XXYLT1: variants seen among roughly 807,000 people sequenced by gnomAD.
The protein encoded by XXYLT1 is UDP-xylose:alpha-xyloside alpha-1,3-xylosyltransferase.
In XXYLT1, 20 loss-of-function variants were observed where a neutral mutation model predicts 28.9. That is an observed-to-expected ratio of 0.69 (90% CI 0.49 to 1.00). The LOEUF is 1.00. Ranked by LOEUF, XXYLT1 falls within the 50% of genes least tolerant of loss-of-function variation. XXYLT1 has a pLI of 0.00. For missense variants in XXYLT1, 542 were observed against 560.1 expected (o/e 0.97, Z 0.33); for synonymous variants, 257 against 253.8 (o/e 1.01, Z -0.12).
chr3:195,070,395 C>T (rs1323424731), intron 3 of XXYLT1, among the ~76,000 whole-genome samples: 1 of 152,038 alleles, frequency 6.6e-6, no homozygotes, highest in Non-Finnish European at 1.5e-5. Flanking sequence ...GGCTTACTTA[C>T]TCCCCACACA....
In XXYLT1 at chr3:195,168,160, A is replaced by C. The variant is rs1358522679; in HGVS notation, c.653-11579T>G. Among the ~76,000 whole-genome samples, 1 of 152,234 alleles carries C rather than the reference A, an allele frequency of 6.6e-6. No individual in the cohort carries two copies. The highest frequency in any genetic ancestry group is 1.5e-5 in the Non-Finnish European group (1 of 68,042). ...ATGGCACTGCGTCCAACCATGGGCA[A>C]GCCATCCCCAGCTGTCGCAGACTGT... On this transcript the variant is annotated intron_variant, in intron 2 of 3. Transcript: ENST00000310380. The surrounding 1 kb of genome is among the most constrained non-coding windows in gnomAD (Gnocchi z 4.3).
chr3:195,190,538 G>A (rs1722378953), intron 2 of XXYLT1, among the ~76,000 whole-genome samples: 1 of 150,334 alleles, frequency 6.7e-6, no homozygotes, highest in Non-Finnish European at 1.5e-5. Context: ...AATCCTTCAG[G>A]CTGAAAGGAA....
intron 2 of XXYLT1, among the ~76,000 whole-genome samples, chr3:195,197,872 G>C (rs186632679): frequency 2.0e-5 from 3 of 152,320 alleles, no homozygotes; most frequent in Admixed American, 1.3e-4. Context: ...AGCAGCTTAT[G>C]GAAAAGCGAA....
At chr3:195,190,517 A>C (rs1260259656) in intron 2 of XXYLT1, among the ~76,000 whole-genome samples, 12 of 149,010 alleles carry the variant, frequency 8.1e-5, no homozygotes, top group Non-Finnish European at 1.5e-4. Flanking sequence ...AAAAAAAAAA[A>C]AACTAAATGA....
chr3:195,229,437 T>TGAAA (rs1560164280), intron 1 of XXYLT1, among the ~76,000 whole-genome samples: 8 of 152,352 alleles, frequency 5.3e-5, no homozygotes, highest in East Asian at 1.9e-4. Flanking sequence ...ATTAAACTAC[T>TGAAA]TTTTACTGTA....
At chr3:195,244,494 G>C (rs949134616) in intron 1 of XXYLT1, among the ~76,000 whole-genome samples, 3 of 152,136 alleles carry the variant, frequency 2.0e-5, no homozygotes, top group Non-Finnish European at 2.9e-5. Context: ...GGGCGCGGTG[G>C]CTCATGCCTG....
intron 2 of XXYLT1, among the ~76,000 whole-genome samples, chr3:195,206,305 C>T (rs1259685893): frequency 2.0e-5 from 3 of 151,442 alleles, no homozygotes; most frequent in African/African-American, 4.9e-5. Context: ...CCACCACGCA[C>T]GGCCTAAAGT....
chr3:195,156,064 C>T (rs1173141257), intron 3 of XXYLT1, among the ~76,000 whole-genome samples: 1 of 152,210 alleles, frequency 6.6e-6, no homozygotes, highest in Admixed American at 6.5e-5. Context: ...ACCCACTCTG[C>T]TAATAGAGAA....
intron 1 of XXYLT1, among the ~76,000 whole-genome samples, chr3:195,269,159 G>A (rs2108862909): frequency 6.6e-6 from 1 of 152,356 alleles, no homozygotes; most frequent in African/African-American, 2.4e-5. Context: ...ACGGTGCAGA[G>A]TAGGCCCAGA....
chr3:195,264,666 T>C (rs550910957), intron 1 of XXYLT1, among the ~76,000 whole-genome samples: 1 of 152,354 alleles, frequency 6.6e-6, no homozygotes, highest in East Asian at 1.9e-4. Flanking sequence ...CAGAAACTTG[T>C]TCTGTTCCCT....
At chr3:195,223,879 G>C (rs989319806) in intron 2 of XXYLT1, among the ~76,000 whole-genome samples, 5 of 152,164 alleles carry the variant, frequency 3.3e-5, no homozygotes, top group African/African-American at 1.2e-4. Flanking sequence ...AATTGCTGCC[G>C]GGCGCGGTGG....
chr3:195,114,314 C>T (rs892284282), intron 3 of XXYLT1, among the ~76,000 whole-genome samples: 2 of 152,176 alleles, frequency 1.3e-5, no homozygotes, highest in African/African-American at 2.4e-5. Context: ...CACCATTGCA[C>T]CCAAAATGGA....
rs541158733 is a variant in XXYLT1, at chr3:195,257,306, T to G, written c.504+13249A>C. Among the ~76,000 whole-genome samples the G allele has an allele frequency of 7.9e-5, 12 of 152,182 alleles. No individual in the cohort carries two copies. Among genetic ancestry groups the G allele is most frequent in the Non-Finnish European group, 1.6e-4 (11 of 68,002 alleles). On this transcript the variant is annotated intron_variant, in intron 1 of 3. Transcript: ENST00000310380. This position sits in a 1 kb window ranked among gnomAD's most constrained non-coding sequence, Gnocchi z 4.3. ...TTACCCATGCCAGGCCCTGCGCCAC[T>G]ACATCCTGGAGACACAGAATGAAAT...
chr3:195,172,475 G>A (rs1721457737), intron 2 of XXYLT1, among the ~76,000 whole-genome samples: 1 of 152,198 alleles, frequency 6.6e-6, no homozygotes, highest in Non-Finnish European at 1.5e-5. Context: ...ACAACACACT[G>A]CAAAGTTCTA....
chr3:195,095,066 C>T (rs1039276840), intron 3 of XXYLT1, among the ~76,000 whole-genome samples: 2 of 152,192 alleles, frequency 1.3e-5, no homozygotes. Context: ...GTGATACCAA[C>T]GCTACTGGTC....
chr3:195,158,381 C>T (rs1282543462), intron 2 of XXYLT1, among the ~76,000 whole-genome samples: 1 of 152,142 alleles, frequency 6.6e-6, no homozygotes, highest in Non-Finnish European at 1.5e-5. Flanking sequence ...GGGCTCAGGA[C>T]CATCAGACGC....
intron 3 of XXYLT1, among the ~76,000 whole-genome samples, chr3:195,085,645 C>A (rs1715682211): frequency 6.6e-6 from 1 of 152,144 alleles, no homozygotes; most frequent in East Asian, 1.9e-4. Flanking sequence ...CGAGCCACAA[C>A]CGTGTCTGGT....
chr3:195,131,082 G>A (rs1437015366), intron 3 of XXYLT1, among the ~76,000 whole-genome samples: 4 of 134,110 alleles, frequency 3.0e-5, no homozygotes, highest in African/African-American at 1.2e-4. Context: ...TCTCAGAAAT[G>A]GGACCCAAAC....
intron 3 of XXYLT1, among the ~76,000 whole-genome samples, chr3:195,083,032 AG>A (rs1715524085): frequency 6.6e-6 from 1 of 152,162 alleles, no homozygotes; most frequent in African/African-American, 2.4e-5. Context: ...AATTCCACAA[AG>A]CCCCTGACTC....
Sources: gnomAD v4.1 joint callset for allele counts (sites outside exome capture counted in the v4.1 genomes callset) on GRCh38, gnomAD v4.1.1 for gene constraint, Gnocchi (gnomAD v3.1) non-coding constraint, MANE v1.5 for transcripts, NCBI Gene and HGNC (gene_info 2026-07-23, HGNC 2026-07-21) for gene names.